The following FMN1 variants were observed in gnomAD, a reference collection of about 807,000 sequenced individuals.
The protein encoded by FMN1 is formin 1, also known as formin-1.
Under a neutral mutation model 132.4 loss-of-function variants are expected in FMN1, and 110 were observed. The observed-to-expected ratio is 0.83, with a 90% CI of 0.71 to 0.97. FMN1 has a LOEUF of 0.97. Ranked by LOEUF, FMN1 falls within the 50% of genes least tolerant of loss-of-function variation. The probability of loss-of-function intolerance (pLI) is 0.00; values close to 1 mark genes in which losing one functional copy is unlikely to be tolerated. For missense variants in FMN1, 1,792 were observed against 1,705.3 expected, an observed-to-expected ratio of 1.05 and a Z score of -0.90; for synonymous variants, 722 against 651.7, an observed-to-expected ratio of 1.11 and a Z score of -1.64.
chr15:32,915,207 T>TA (rs539415187), intron 10 of FMN1, among the ~76,000 whole-genome samples: 16 of 152,288 alleles, frequency 1.1e-4, no homozygotes, highest in Middle Eastern at 3.4e-3. Flanking sequence ...AGAACTGCCT[T>TA]ACATGTACAT....
chr15:32,893,096 C>A (rs1403392318), intron 15 of FMN1, among the ~76,000 whole-genome samples: 1 of 152,190 alleles, frequency 6.6e-6, no homozygotes, highest in Admixed American at 6.5e-5. Context: ...ATCCTCTTGA[C>A]CCTTCCTCTT....
chr15:33,159,327 GC>G (rs1964799512), intron 3 of FMN1, among the ~76,000 whole-genome samples: 1 of 152,136 alleles, frequency 6.6e-6, no homozygotes, highest in Non-Finnish European at 1.5e-5. Context: ...AAAGATAAAT[GC>G]ACGAAGAGGA....
chr15:32,885,012 A>G (rs916219605), intron 16 of FMN1, among the ~76,000 whole-genome samples: 1 of 152,238 alleles, frequency 6.6e-6, no homozygotes, highest in African/African-American at 2.4e-5. Flanking sequence ...ATTTCCTATG[A>G]TGCAGGTCCT....
At chr15:33,034,254 C>T (rs1363906755) in intron 6 of FMN1, among the ~76,000 whole-genome samples, 1 of 152,126 alleles carries the variant, frequency 6.6e-6, no homozygotes, top group Non-Finnish European at 1.5e-5. Flanking sequence ...GCTCCACCCA[C>T]GGTCATCTTC....
chr15:32,993,909 G>GGGC, intron 7 of FMN1, among the ~76,000 whole-genome samples: 1 of 147,056 alleles, frequency 6.8e-6, no homozygotes, highest in Non-Finnish European at 1.5e-5. Context: ...GCCGGGGGCG[G>GGGC]GGTGGGGGGG....
chr15:32,952,165 C>T (rs1014474186), intron 9 of FMN1, among the ~76,000 whole-genome samples: 1 of 152,190 alleles, frequency 6.6e-6, no homozygotes, highest in Non-Finnish European at 1.5e-5. Context: ...TACCTCCACA[C>T]CCCAAGAGTA....
At chr15:32,895,919 GGTTT>G (rs2060143699) in intron 15 of FMN1, among the ~76,000 whole-genome samples, 1 of 151,966 alleles carries the variant, frequency 6.6e-6, no homozygotes. Context: ...CACCTTTTAT[GGTTT>G]GTGTCTTAGA....
intron 4 of FMN1, among the ~76,000 whole-genome samples, chr15:33,089,806 G>C (rs1265858111): frequency 6.6e-6 from 1 of 152,184 alleles, no homozygotes; most frequent in Non-Finnish European, 1.5e-5. Flanking sequence ...GCCTCTGCCT[G>C]ACATTCTATT....
At chr15:33,001,599 C>CCCT in intron 7 of FMN1, among the ~76,000 whole-genome samples, 1 of 134,640 alleles carries the variant, frequency 7.4e-6, no homozygotes, top group South Asian at 2.7e-4. Context: ...TCCTCCTCCT[C>CCCT]CCTCCTCCTC....
At chr15:32,995,311 A>C (rs2033698918) in intron 7 of FMN1, among the ~76,000 whole-genome samples, 2 of 152,146 alleles carry the variant, frequency 1.3e-5, no homozygotes, top group South Asian at 4.1e-4. Flanking sequence ...ATCTTAGTTG[A>C]GATCTGAGAC....
intron 17 of FMN1, 36 bp downstream of exon 17, chr15:32,856,979 G>C (rs780325953): frequency 2.1e-6 from 3 of 1,441,594 alleles, no homozygotes; most frequent in Non-Finnish European, 2.9e-6. Flanking sequence ...GGATGTTTCA[G>C]GGCCACGTGT....
Position 32,853,205 on chromosome 15 carries a change from T to C in FMN1, c.3928+3810A>G, listed in dbSNP as rs2059048204. ...ATCATTGCCATCATTATTATTTTGT[T>C]TTTTCAACTCTAAACAAAAATATCT... On this transcript the variant is annotated intron_variant, in intron 17 of 20. Transcript: ENST00000616417. 4.6e-5 allele frequency among the ~76,000 whole-genome samples: 7 copies of C among 152,232 alleles called. No individual in the cohort carries two copies. The South Asian group carries it at 1.4e-3, about 32-fold the overall frequency.
At chr15:32,996,834 A>G (rs2033799941) in intron 7 of FMN1, among the ~76,000 whole-genome samples, 1 of 152,184 alleles carries the variant, frequency 6.6e-6, no homozygotes, top group African/African-American at 2.4e-5. Context: ...TGAACACACC[A>G]TACAAGGAGG....
chr15:33,187,544 T>C (rs1432067514), intron 2 of FMN1, among the ~76,000 whole-genome samples: 2 of 152,114 alleles, frequency 1.3e-5, no homozygotes, highest in African/African-American at 2.4e-5. Flanking sequence ...TCTAGGTAAG[T>C]AGGAACCATA....
intron 6 of FMN1, among the ~76,000 whole-genome samples, chr15:33,018,046 C>G (rs939223724): frequency 6.9e-6 from 1 of 145,002 alleles, no homozygotes; most frequent in African/African-American, 2.6e-5. Flanking sequence ...GCCTGGGCAA[C>G]AGAGCGACAC....
intron 4 of FMN1, among the ~76,000 whole-genome samples, chr15:33,139,599 A>G (rs1963923611): frequency 6.6e-6 from 1 of 152,256 alleles, no homozygotes; most frequent in Non-Finnish European, 1.5e-5. Flanking sequence ...CTCTAAATAA[A>G]TAAACAAATA....
At chr15:32,982,215 GGAGGGAGGA>G (rs1307733486) in intron 7 of FMN1, among the ~76,000 whole-genome samples, 1 of 152,178 alleles carries the variant, frequency 6.6e-6, no homozygotes, top group Non-Finnish European at 1.5e-5. Flanking sequence ...CCTATTAGGA[GGAGGGAGGA>G]GAGGGAGGAG....
chr15:32,803,743 G>A (rs999080881), intron 18 of FMN1, among the ~76,000 whole-genome samples: 2 of 152,138 alleles, frequency 1.3e-5, no homozygotes, highest in Admixed American at 6.5e-5. Flanking sequence ...ATGCCAGGAA[G>A]GATCAAACTG....
Position 32,770,885 on chromosome 15 carries a change from T to A in FMN1, c.*3425A>T, listed in dbSNP as rs1008358873. On this transcript the variant is annotated 3_prime_UTR_variant, in exon 21 of 21. Transcript: ENST00000616417. Reference sequence around the variant, plus strand: ...GTGAGTGTGTAGAAAGACACCATCATCAACATAAGGATTCAAAAGGCAACT... The same window carrying A: ...GTGAGTGTGTAGAAAGACACCATCAACAACATAAGGATTCAAAAGGCAACT... The A allele has an allele frequency of 6.6e-6, 1 of 152,014 alleles. No individual in the cohort carries two copies. The allele number at this position is 152,014 out of a possible 1,614,324, so 9.4% of individuals were successfully genotyped here. A position where few individuals can be genotyped will look rare whatever the true frequency, so the allele number is the denominator to read the frequency against.
Sources: gnomAD v4.1 joint callset for allele counts (sites outside exome capture counted in the v4.1 genomes callset) on GRCh38, gnomAD v4.1.1 for gene constraint, MANE v1.5 for transcripts, NCBI Gene and HGNC (gene_info 2026-07-23, HGNC 2026-07-21) for gene names.